The following DST variants were observed in gnomAD, a reference collection of about 807,000 sequenced individuals.
DST encodes the protein bullous pemphigoid antigen.
In DST, 253 loss-of-function variants were observed where a neutral mutation model predicts 875.2. The ratio of observed to expected loss-of-function variants is 0.29; its 90% CI spans 0.26 to 0.32. The LOEUF (loss-of-function observed/expected upper bound fraction) is 0.32, where lower values mean the gene tolerates loss of function less well. Ranked by LOEUF, DST falls within the 10% of genes least tolerant of loss-of-function variation. DST has a pLI of 1.00. For missense variants in DST, 8,287 were observed against 9,111.6 expected (o/e 0.91, Z 3.68); for synonymous variants, 3,124 against 3,197.1 (o/e 0.98, Z 0.77).
intron 62 of DST, among the ~76,000 whole-genome samples, chr6:56,536,110 C>G (rs2096992988): frequency 6.6e-6 from 1 of 152,170 alleles, no homozygotes; most frequent in South Asian, 2.1e-4. Flanking sequence ...CACTGCCATC[C>G]CATAATAATT....
chr6:56,827,348 T>C (rs1326569865), intron 4 of DST, among the ~76,000 whole-genome samples: 1 of 151,896 alleles, frequency 6.6e-6, no homozygotes, highest in African/African-American at 2.4e-5. Flanking sequence ...ACCCCGTCTC[T>C]ACTAAAAATA....
intron 2 of DST, among the ~76,000 whole-genome samples, chr6:56,918,032 T>C (rs903845326): frequency 6.6e-6 from 1 of 152,198 alleles, no homozygotes; most frequent in African/African-American, 2.4e-5. Flanking sequence ...ACTTCTCCTA[T>C]AAAAATAATT....
intron 58 of DST, among the ~76,000 whole-genome samples, chr6:56,559,861 A>C (rs1324612111): frequency 6.6e-6 from 1 of 152,096 alleles, no homozygotes; most frequent in African/African-American, 2.4e-5. Context: ...ATAAGAGCAT[A>C]AAGTATGGAG....
chr6:56,552,184 C>T lies in DST; in HGVS notation c.16608G>A (p.Lys5536=). ...ETINQQLNMF[K]VFQKEEIEPL... ...TGGGTAAAAATGAAGAGTTCCCTAC[C>T]TTGAACATGTTAAGCTGCTGATTAA... The change falls in exon 61 of 104, where the codon AAG becomes AAA. Residue 5536 remains lysine, a splice_region_variant and synonymous_variant. Transcript: ENST00000680361. The T allele has an allele frequency of 6.2e-7, 1 of 1,601,224 alleles. No individual in the cohort carries two copies. The highest frequency in any genetic ancestry group is 8.5e-7 in the Non-Finnish European group (1 of 1,174,102).
At chr6:56,582,211 G>C (rs1227899752) in intron 49 of DST, among the ~76,000 whole-genome samples, 1 of 152,078 alleles carries the variant, frequency 6.6e-6, no homozygotes, top group Non-Finnish European at 1.5e-5. Flanking sequence ...GATATAGTTT[G>C]GATATTTGTC....
At chr6:56,905,392 A>G (rs978998949) in intron 2 of DST, among the ~76,000 whole-genome samples, 6 of 152,162 alleles carry the variant, frequency 3.9e-5, no homozygotes, top group Non-Finnish European at 5.9e-5. Flanking sequence ...CTTTATACCC[A>G]TTGAATAGCA....
intron 9 of DST, among the ~76,000 whole-genome samples, chr6:56,679,998 C>T (rs1299414194): frequency 2.6e-5 from 4 of 152,102 alleles, no homozygotes; most frequent in African/African-American, 9.7e-5. Flanking sequence ...TCTCATTCTA[C>T]CAATAATTCC....
At chr6:56,574,290 G>T (rs2097829346) in intron 50 of DST, among the ~76,000 whole-genome samples, 1 of 152,096 alleles carries the variant, frequency 6.6e-6, no homozygotes, top group Non-Finnish European at 1.5e-5. Flanking sequence ...GGAAAAAAAG[G>T]TGAGTCACAC....
chr6:56,537,853 CAT>C (rs2097041824), intron 61 of DST, among the ~76,000 whole-genome samples: 1 of 152,168 alleles, frequency 6.6e-6, no homozygotes, highest in Non-Finnish European at 1.5e-5. Context: ...CTGGGCCTAC[CAT>C]GGTACCTAGC....
At chr6:56,940,922 G>A (rs1034200145) in intron 2 of DST, among the ~76,000 whole-genome samples, 14 of 152,064 alleles carry the variant, frequency 9.2e-5, no homozygotes, top group Non-Finnish European at 1.2e-4. Flanking sequence ...GGGTTCCATA[G>A]TTATACCCTC....
At chr6:56,836,420 T>C (rs1364518084) in intron 4 of DST, among the ~76,000 whole-genome samples, 8 of 152,184 alleles carry the variant, frequency 5.3e-5, no homozygotes. Flanking sequence ...AGTTACTGTT[T>C]TGCAATTTTA....
At chr6:56,867,588 A>G (rs1462580978) in intron 3 of DST, among the ~76,000 whole-genome samples, 2 of 152,178 alleles carry the variant, frequency 1.3e-5, no homozygotes, top group African/African-American at 4.8e-5. Context: ...TTGGGAGGCC[A>G]AGGTGGGCGG....
Position 56,459,196 on chromosome 6 carries a change from G to A in DST, c.23266C>T (p.Arg7756Ter). The A allele has an allele frequency of 1.9e-6, 3 of 1,613,666 alleles. No homozygotes were observed. Among genetic ancestry groups the A allele is most frequent in the Non-Finnish European group, 2.5e-6 (3 of 1,179,776 alleles). ...TCAAAGTCTGATGCATCACTGCCTC[G>A]GCGGCTGCTGGCCCTGCTGCCAGCT... is the stretch of plus-strand genomic sequence containing the variant. The part of the protein sequence containing the change: ...SKAGSRASSR[R>*]GSDASDFDIS... Residue 7756 changes from arginine to a stop codon, truncating the protein, a stop_gained, in exon 104 of 104, where the codon CGA (arginine) becomes TGA (stop). Coordinates refer to ENST00000680361, the MANE Select transcript of DST (RefSeq NM_001374736.1). LOFTEE classifies it high-confidence loss of function.
intron 5 of DST, among the ~76,000 whole-genome samples, chr6:56,733,314 T>C (rs2099509720): frequency 6.6e-6 from 1 of 151,936 alleles, no homozygotes; most frequent in South Asian, 2.1e-4. Flanking sequence ...ATGAATAAAC[T>C]AAAAGGAAAA....
intron 3 of DST, among the ~76,000 whole-genome samples, chr6:56,882,904 T>C (rs1458640375): frequency 3.3e-5 from 5 of 152,204 alleles, no homozygotes; most frequent in Non-Finnish European, 7.4e-5. Flanking sequence ...TCTCGCTCTG[T>C]CACCCAGGCT....
intron 2 of DST, among the ~76,000 whole-genome samples, chr6:56,928,538 T>C (rs1428932425): frequency 1.3e-5 from 2 of 152,184 alleles, no homozygotes; most frequent in Admixed American, 6.5e-5. Flanking sequence ...AAAAAGGTAC[T>C]CACTCTTATT....
At chr6:56,466,669 C>G (rs577416675) in intron 98 of DST, 3 of 152,286 alleles carry the variant, frequency 2.0e-5, no homozygotes, top group Admixed American at 6.5e-5. Context: ...TGTGAGAAAT[C>G]TTTATAAACT....
At chr6:56,642,308 G>A in intron 16 of DST, 102 bp downstream of exon 16, 1 of 936,758 alleles carries the variant, frequency 1.1e-6, no homozygotes, top group Non-Finnish European at 1.7e-6. Flanking sequence ...TCAGTGGAGA[G>A]TATTACGAAG....
At position 56,601,485 on chromosome 6, in the gene DST, T is replaced by C. The variant is rs376192559; in HGVS notation, c.11499A>G (p.Leu3833=). 3.1e-6 allele frequency: 5 copies of C among 1,604,874 alleles called. No homozygotes were observed. Among genetic ancestry groups the C allele is most frequent in the East Asian group, 4.5e-5 (2 of 44,638 alleles). The change falls in exon 44 of 104, where the codon TTA becomes TTG. Residue 3833 remains leucine, a synonymous_variant. Transcript: ENST00000680361. The stretch of plus-strand genomic sequence containing the variant: ...CTTGTTCTAGATGTAACTGAGTCTC[T>C]AAACGTTCCACCTGGGTAGTTACTG... ...QESVTTQVER[L]ETQLHLEQDL...
Sources: allele counts gnomAD v4.1 joint callset (sites outside exome capture counted in the v4.1 genomes callset), GRCh38; gene constraint gnomAD v4.1.1; transcripts MANE v1.5; gene names NCBI Gene and HGNC (gene_info 2026-07-23, HGNC 2026-07-21).